CCDC92B: variants seen among roughly 807,000 people sequenced by gnomAD.
The protein encoded by CCDC92B is coiled-coil domain containing 92B.
In CCDC92B, 2 loss-of-function variants were observed where a neutral mutation model predicts 5.6. The observed-to-expected ratio is 0.36, with a 90% CI of 0.15 to 1.12. The LOEUF is 1.12. CCDC92B is among the 50% of genes most tolerant of loss of function. CCDC92B has a pLI of 0.40. For missense variants in CCDC92B, 271 were observed against 262.2 expected, an observed-to-expected ratio of 1.03 and a Z score of -0.23; for synonymous variants, 115 against 122.3, an observed-to-expected ratio of 0.94 and a Z score of 0.39.
At chr17:2,740,298 T>G (rs2070911791) in intron 1 of CCDC92B, among the ~76,000 whole-genome samples, 1 of 151,896 alleles carries the variant, frequency 6.6e-6, no homozygotes, top group Admixed American at 6.6e-5. Context: ...CAGATGTAAT[T>G]AAGGCCTCCA....
chr17:2,729,473 G>T (rs370231419), intron 3 of CCDC92B, among the ~76,000 whole-genome samples: 1 of 121,406 alleles, frequency 8.2e-6, no homozygotes, highest in Non-Finnish European at 1.6e-5. Context: ...CAGCCTGGGC[G>T]ACAAGAGCGA....
At chr17:2,748,506 TTGTG>T (rs58659149) in intron 1 of CCDC92B, 106,393 of 944,452 alleles carry the variant, frequency 0.11, 1,122 homozygotes, top group East Asian at 0.12. Context: ...TTCATCGTGT[TTGTG>T]TGTGTGTGTG....
intron 3 of CCDC92B, among the ~76,000 whole-genome samples, chr17:2,729,419 G>A (rs2070770090): frequency 6.6e-6 from 1 of 151,594 alleles, no homozygotes; most frequent in Non-Finnish European, 1.5e-5. Flanking sequence ...ACTTGAACAC[G>A]GGAGGTGGAG....
rs181037656 is a variant in CCDC92B at position 2,739,394 on chromosome 17, A to C, written c.-23-4226T>G. On this transcript the variant is annotated intron_variant, in intron 1 of 3. Coordinates refer to ENST00000614400, the MANE Select transcript of CCDC92B (RefSeq NM_001355573.2). ...ATAAATAAATAAAATAAAAATAAAC[A>C]AACAGGCTGGGCGCGGTGGCTCATG... Among the ~76,000 whole-genome samples, 426 of 150,174 alleles carry C rather than the reference A, an allele frequency of 2.8e-3. 4 individuals are homozygous for C. Among genetic ancestry groups the C allele is most frequent in the South Asian group, 0.012 (56 of 4,738 alleles).
At chr17:2,735,997 C>G (rs1267811762) in intron 1 of CCDC92B, among the ~76,000 whole-genome samples, 1 of 152,186 alleles carries the variant, frequency 6.6e-6, no homozygotes, top group Admixed American at 6.6e-5. Flanking sequence ...GAATATTATT[C>G]TCCCTTAGTT....
At chr17:2,729,542 G>A (rs1419505226) in intron 3 of CCDC92B, among the ~76,000 whole-genome samples, 5 of 149,812 alleles carry the variant, frequency 3.3e-5, no homozygotes, top group African/African-American at 7.4e-5. Flanking sequence ...GTCAGGTAAC[G>A]TGCGTTATAC....
At chr17:2,745,422 G>T (rs886766955) in intron 1 of CCDC92B, among the ~76,000 whole-genome samples, 1 of 152,202 alleles carries the variant, frequency 6.6e-6, no homozygotes, top group African/African-American at 2.4e-5. Flanking sequence ...CACCGTGAGA[G>T]ACTGAGCCAA....
In CCDC92B at chr17:2,722,397, G is replaced by C. The variant is rs1437657483; in HGVS notation, c.*2014C>G. On this transcript the variant is annotated 3_prime_UTR_variant, in exon 4 of 4. Transcript: ENST00000614400. ...CCTTCTTGGCCCAAGTTGGACTGGA[G>C]AGCACTGTCCCAAGGGTGCCCCAAC... 2.6e-5 allele frequency: 4 copies of C among 152,576 alleles called. No individual in the cohort carries two copies. The highest frequency in any genetic ancestry group is 5.9e-5 in the Non-Finnish European group (4 of 68,370). The allele number at this position is 152,576 out of a possible 1,614,324, so 9.5% of individuals were successfully genotyped here.
chr17:2,724,829 C>T lies in CCDC92B; in HGVS notation c.350G>A (p.Arg117His). The change falls in exon 4 of 4, where the codon CGC (arginine) becomes CAC (histidine). Residue 117 changes from arginine to histidine, a missense_variant. Arg to His is a conservative substitution (Grantham distance 29). Transcript: ENST00000614400. This position sits in a 1 kb window ranked among gnomAD's most constrained non-coding sequence, Gnocchi z 5.0. ...TEERRFLEEL[R>H]RRSHRATVLG... ...CACGGTGGCGCGGTGGCTGCGGCGG[C>T]GCAGCTCCTCCAGGAAGCGGCGCTC... 2 of 984,964 alleles carry T rather than the reference C, an allele frequency of 2.0e-6. No individual in the cohort carries two copies. Among genetic ancestry groups the T allele is most frequent in the Non-Finnish European group, 2.4e-6 (2 of 829,804 alleles). The allele number at this position is 984,964 out of a possible 1,614,324, so 61.0% of individuals were successfully genotyped here. A position where few individuals can be genotyped will look rare whatever the true frequency, so the allele number is the denominator to read the frequency against.
rs1020744320 is a variant in CCDC92B, at chr17:2,739,407, G to A, written c.-23-4239C>T. On this transcript the variant is annotated intron_variant, in intron 1 of 3. Transcript: ENST00000614400. ...ATAAAAATAAACAAACAGGCTGGGC[G>A]CGGTGGCTCATGCCTGTAATCCCAG... 1.3e-4 allele frequency among the ~76,000 whole-genome samples: 19 copies of A among 150,854 alleles called. 1 individual carries two copies. The highest frequency in any genetic ancestry group is 4.6e-4 in the African/African-American group (19 of 40,884).
intron 1 of CCDC92B, among the ~76,000 whole-genome samples, chr17:2,738,857 G>A (rs1460223112): frequency 6.6e-6 from 1 of 150,708 alleles, no homozygotes; most frequent in African/African-American, 2.4e-5. Flanking sequence ...GATCACCTGA[G>A]GTCAGGAGTT....
intron 1 of CCDC92B, among the ~76,000 whole-genome samples, chr17:2,737,308 C>T (rs1207434634): frequency 1.3e-5 from 2 of 152,044 alleles, no homozygotes; most frequent in African/African-American, 4.8e-5. Flanking sequence ...CCCTTCCAGA[C>T]TAGCTTACAT....
intron 1 of CCDC92B, among the ~76,000 whole-genome samples, chr17:2,744,234 G>T (rs1034446510): frequency 6.6e-6 from 1 of 150,620 alleles, no homozygotes; most frequent in Non-Finnish European, 1.5e-5. Flanking sequence ...TCACTGTGTT[G>T]CCCAGGCTGA....
chr17:2,724,964 G>T lies in CCDC92B; in HGVS notation c.215C>A (p.Ala72Glu). 2.0e-6 allele frequency: 2 copies of T among 985,490 alleles called. No homozygotes were observed. Among genetic ancestry groups the T allele is most frequent in the Non-Finnish European group, 2.4e-6 (2 of 830,014 alleles). 61.0% of individuals were successfully genotyped at this position (985,490 alleles called of 1,614,324 possible). ...ASRELESKCR[A>E]LESQLEARAA... ...ACGCGCCTCCAGCTGCGACTCCAGC[G>T]CGCGGCACTTGCTCTCCAGCTCCCG... The change falls in exon 4 of 4, where the codon GCG becomes GAG. Residue 72 changes from alanine (A) to glutamate (E), a missense_variant. Transcript: ENST00000614400. The surrounding 1 kb of genome is among the most constrained non-coding windows in gnomAD (Gnocchi z 5.0).
chr17:2,738,740 A>G (rs2070883709), intron 1 of CCDC92B, among the ~76,000 whole-genome samples: 1 of 147,346 alleles, frequency 6.8e-6, no homozygotes, highest in Admixed American at 6.8e-5. Flanking sequence ...AGCCTGGGTG[A>G]CAGAGCAAGA....
In CCDC92B at chr17:2,722,731, G is replaced by C. The variant is rs2070671821; in HGVS notation, c.*1680C>G. The stretch of plus-strand genomic sequence containing the variant: ...GAATGTGTGGCCTCAGCCAGGGTCA[G>C]GACCTGTCAGGAAAGGGGTGTCTGT... On this transcript the variant is annotated 3_prime_UTR_variant, in exon 4 of 4. Transcript: ENST00000614400. 6.6e-6 allele frequency: 1 copy of C among 152,460 alleles called. No individual in the cohort carries two copies. The highest frequency in any genetic ancestry group is 2.1e-4 in the South Asian group (1 of 4,832). 9.4% of individuals were successfully genotyped at this position (152,460 alleles called of 1,614,324 possible). A position where few individuals can be genotyped will look rare whatever the true frequency, so the allele number is the denominator to read the frequency against.
At chr17:2,735,463 C>T (rs1219744740) in intron 1 of CCDC92B, among the ~76,000 whole-genome samples, 2 of 152,178 alleles carry the variant, frequency 1.3e-5, no homozygotes, top group East Asian at 3.8e-4. Flanking sequence ...TGGAGTCTTG[C>T]TCTGTTGCAC....
At chr17:2,735,375 C>T (rs1489827691) in intron 1 of CCDC92B, among the ~76,000 whole-genome samples, 1 of 152,230 alleles carries the variant, frequency 6.6e-6, no homozygotes. Flanking sequence ...TCTCATTTAA[C>T]ACATGGAGAA....
At chr17:2,739,025 C>G (rs1311142754) in intron 1 of CCDC92B, among the ~76,000 whole-genome samples, 1 of 151,348 alleles carries the variant, frequency 6.6e-6, no homozygotes, top group East Asian at 1.9e-4. Context: ...GAGCTGAGAT[C>G]GAGCCACTGC....
Sources: allele counts gnomAD v4.1 joint callset (sites outside exome capture counted in the v4.1 genomes callset), GRCh38; gene constraint gnomAD v4.1.1; non-coding constraint Gnocchi (gnomAD v3.1); transcripts MANE v1.5; gene names NCBI Gene and HGNC (gene_info 2026-07-23, HGNC 2026-07-21).